The following FKBP5 variants were observed in gnomAD, a reference collection of about 807,000 sequenced individuals.
FKBP5 encodes FKBP prolyl isomerase 5.
In FKBP5, 23 loss-of-function variants were observed where a neutral mutation model predicts 50.5. The observed-to-expected ratio is 0.46, with a 90% CI of 0.33 to 0.65. The LOEUF (loss-of-function observed/expected upper bound fraction) is 0.65. Among genes scored for constraint, FKBP5 ranks in the 30% least tolerant of loss-of-function variants. The pLI is 0.02. For missense variants in FKBP5, 411 were observed against 553.1 expected, an observed-to-expected ratio of 0.74 and a Z score of 2.58; for synonymous variants, 176 against 190.6, an observed-to-expected ratio of 0.92 and a Z score of 0.63.
At chr6:35,683,632 A>ATTT (rs777451189) in intron 1 of FKBP5, among the ~76,000 whole-genome samples, 26 of 109,356 alleles carry the variant, frequency 2.4e-4, no homozygotes, top group East Asian at 1.5e-3. Flanking sequence ...TGACTGGCTA[A>ATTT]TTTTTTTTTT....
intron 1 of FKBP5, among the ~76,000 whole-genome samples, chr6:35,678,527 G>T (rs1252681460): frequency 6.6e-6 from 1 of 152,144 alleles, no homozygotes; most frequent in African/African-American, 2.4e-5. Flanking sequence ...TACAGATACG[G>T]AGTACTTAAA....
chr6:35,648,596 A>C (rs973283802), intron 1 of FKBP5, among the ~76,000 whole-genome samples: 3 of 152,014 alleles, frequency 2.0e-5, no homozygotes, highest in Non-Finnish European at 2.9e-5. Context: ...AATTTTTACA[A>C]CACCATTTGG....
intron 1 of FKBP5, among the ~76,000 whole-genome samples, chr6:35,658,446 C>T (rs977010776): frequency 3.3e-5 from 5 of 151,382 alleles, no homozygotes; most frequent in African/African-American, 7.3e-5. Flanking sequence ...GATATCTTGA[C>T]TTGTTCTAAA....
chr6:35,689,310 T>C (rs1765935845), upstream of FKBP5, among the ~76,000 whole-genome samples: 1 of 152,142 alleles, frequency 6.6e-6, no homozygotes, highest in Non-Finnish European at 1.5e-5. Context: ...AGGGCCTACC[T>C]AGAGGCCGGA....
intron 3 of FKBP5, among the ~76,000 whole-genome samples, chr6:35,620,640 C>T (rs1763804889): frequency 1.3e-5 from 2 of 151,446 alleles, no homozygotes; most frequent in Non-Finnish European, 2.9e-5. Context: ...CCAGCTACTC[C>T]GGAGGCTGTG....
At chr6:35,668,358 T>A (rs182537857) in intron 1 of FKBP5, among the ~76,000 whole-genome samples, 153 of 152,330 alleles carry the variant, frequency 1.0e-3, no homozygotes, top group African/African-American at 3.3e-3. Flanking sequence ...GTGCTTTCTA[T>A]CCCTTTGGCT....
At chr6:35,673,277 C>T (rs1369428530) in intron 1 of FKBP5, among the ~76,000 whole-genome samples, 1 of 152,276 alleles carries the variant, frequency 6.6e-6, no homozygotes. Flanking sequence ...TGGCTGGGTG[C>T]CGTGGCTCCT....
intron 5 of FKBP5, among the ~76,000 whole-genome samples, chr6:35,615,064 C>T (rs1763602657): frequency 6.6e-6 from 1 of 151,612 alleles, no homozygotes; most frequent in African/African-American, 2.4e-5. Flanking sequence ...GCGGAAGTTG[C>T]AGCGAGCTGA....
intron 6 of FKBP5, among the ~76,000 whole-genome samples, chr6:35,594,923 A>C (rs1762935409): frequency 6.6e-6 from 1 of 152,236 alleles, no homozygotes; most frequent in Admixed American, 6.5e-5. Context: ...TGAAAGATTG[A>C]TCTCATGTTA....
At chr6:35,665,422 G>C (rs560921849) in intron 1 of FKBP5, among the ~76,000 whole-genome samples, 1 of 151,932 alleles carries the variant, frequency 6.6e-6, no homozygotes, top group Non-Finnish European at 1.5e-5. Context: ...CGAGTAGCTG[G>C]GACTACAGGC....
intron 5 of FKBP5, among the ~76,000 whole-genome samples, chr6:35,616,028 G>C (rs186252355): frequency 6.6e-5 from 10 of 152,258 alleles, no homozygotes; most frequent in African/African-American, 2.4e-4. Context: ...AAATAGTAGA[G>C]TAGGCTGGGT....
At chr6:35,716,411 G>A (rs947631016) in intron 2 of FKBP5, among the ~76,000 whole-genome samples, 1 of 152,056 alleles carries the variant, frequency 6.6e-6, no homozygotes, top group Non-Finnish European at 1.5e-5. Flanking sequence ...GATCAGGCAG[G>A]TGGCAGTGTC....
At chr6:35,684,871 TAA>T (rs553797615) in intron 1 of FKBP5, among the ~76,000 whole-genome samples, 58 of 151,918 alleles carry the variant, frequency 3.8e-4, no homozygotes, top group Non-Finnish European at 6.5e-4. Flanking sequence ...TACTAAAAAT[TAA>T]AAGTTTTAAA....
intron 1 of FKBP5, among the ~76,000 whole-genome samples, chr6:35,678,527 G>C (rs1252681460): frequency 6.6e-6 from 1 of 152,144 alleles, no homozygotes; most frequent in African/African-American, 2.4e-5. Flanking sequence ...TACAGATACG[G>C]AGTACTTAAA....
At chr6:35,666,419 A>AAAAAAAAAAAAT (rs71002586) in intron 1 of FKBP5, among the ~76,000 whole-genome samples, 1 of 145,074 alleles carries the variant, frequency 6.9e-6, no homozygotes. Context: ...AAAAAAAAAA[A>AAAAAAAAAAAAT]GGAGGGGAGT....
At position 35,683,120 on chromosome 6, in the gene FKBP5, ATGTGTGTGTGTGTGTGTG is replaced by A. The variant is rs35830022; in HGVS notation, c.-20+5666_-20+5683del. 1.2e-3 allele frequency among the ~76,000 whole-genome samples: 94 copies of A among 80,688 alleles called. 2 individuals carry two copies. Among genetic ancestry groups the A allele is most frequent in the South Asian group, 5.9e-3 (13 of 2,198 alleles). 52.9% of individuals were successfully genotyped at this position (80,688 alleles called of 152,430 possible). Reference sequence around the variant, plus strand: ...AGTGTGTGTGTATATATATACGTATATGTGTGTGTGTGTGTGTGTGTGTGTGTGTGTGTGTGTGTGTGT... The same window carrying A: ...AGTGTGTGTGTATATATATACGTATATGTGTGTGTGTGTGTGTGTGTGTGT... On this transcript the variant is annotated intron_variant, in intron 1 of 10. Coordinates refer to ENST00000357266, the MANE Select transcript of FKBP5 (RefSeq NM_004117.4).
intron 1 of FKBP5, among the ~76,000 whole-genome samples, chr6:35,666,819 G>A (rs900627446): frequency 2.0e-5 from 3 of 152,076 alleles, no homozygotes; most frequent in African/African-American, 7.2e-5. Context: ...AACTCGGGAG[G>A]TTGCAGTAAG....
At chr6:35,599,315 G>A (rs1581800539) in intron 5 of FKBP5, among the ~76,000 whole-genome samples, 1 of 152,006 alleles carries the variant, frequency 6.6e-6, no homozygotes, top group Non-Finnish European at 1.5e-5. Flanking sequence ...ATATAGTCCA[G>A]AAACCAGCTT....
intron 6 of FKBP5, among the ~76,000 whole-genome samples, chr6:35,593,554 T>C (rs563207719): frequency 6.6e-6 from 1 of 152,224 alleles, no homozygotes; most frequent in South Asian, 2.1e-4. Context: ...GGTAGTCTGT[T>C]TTTTTATTTT....
Sources: gnomAD v4.1 joint callset for allele counts (sites outside exome capture counted in the v4.1 genomes callset) on GRCh38, gnomAD v4.1.1 for gene constraint, MANE v1.5 for transcripts, NCBI Gene and HGNC (gene_info 2026-07-23, HGNC 2026-07-21) for gene names.